Variants in PXDNL observed in about 807,000 individuals in gnomAD.
The protein encoded by PXDNL is probable oxidoreductase PXDNL.
Under a neutral mutation model 150.8 loss-of-function variants are expected in PXDNL, and 145 were observed. That is an observed-to-expected ratio of 0.96 (90% confidence interval 0.84 to 1.10). The LOEUF (loss-of-function observed/expected upper bound fraction) is 1.10. PXDNL is among the 50% of genes least tolerant of loss of function. PXDNL has a pLI of 0.00. For missense variants in PXDNL, 2,087 were observed against 1,873.9 expected, an observed-to-expected ratio of 1.11 and a Z score of -2.10; for synonymous variants, 757 against 725.7, an observed-to-expected ratio of 1.04 and a Z score of -0.69.
In PXDNL at chr8:51,427,740, C is replaced by T. The variant is rs575853097; in HGVS notation, c.1526-982G>A. Among the ~76,000 whole-genome samples, 3 of 152,256 alleles carry T rather than the reference C, an allele frequency of 2.0e-5. No homozygotes were observed. In the East Asian group the frequency reaches 5.8e-4, roughly 29 times the overall value. ...GAAAGAAAATAAAAGTAGAGGGGAA[C>T]TTCCACAACTTGGAAAAGAACATAT... On this transcript the variant is annotated intron_variant, in intron 12 of 22. Coordinates refer to ENST00000356297, the MANE Select transcript of PXDNL (RefSeq NM_144651.5).
At chr8:51,486,474 T>C (rs1188739569) in intron 5 of PXDNL, among the ~76,000 whole-genome samples, 1 of 151,856 alleles carries the variant, frequency 6.6e-6, no homozygotes, top group Non-Finnish European at 1.5e-5. Flanking sequence ...AAGGAAAAAT[T>C]ATGATAATAA....
intron 1 of PXDNL, among the ~76,000 whole-genome samples, chr8:51,708,626 A>G (rs1255204048): frequency 3.9e-5 from 6 of 152,204 alleles, no homozygotes; most frequent in Admixed American, 3.9e-4. Context: ...TAGATACGGA[A>G]GAAAAATAAT....
chr8:51,750,441 C>T (rs2037032419), intron 1 of PXDNL, among the ~76,000 whole-genome samples: 1 of 152,190 alleles, frequency 6.6e-6, no homozygotes, highest in African/African-American at 2.4e-5. Flanking sequence ...AACATCACCA[C>T]AGACACCTGC....
chr8:51,651,564 C>T (rs777568710), intron 2 of PXDNL, among the ~76,000 whole-genome samples: 30 of 152,174 alleles, frequency 2.0e-4, no homozygotes, highest in Non-Finnish European at 3.4e-4. Context: ...TTAGGCCTTC[C>T]TTCCAGAAGG....
chr8:51,630,816 T>C (rs1479735348), intron 2 of PXDNL, among the ~76,000 whole-genome samples: 2 of 151,734 alleles, frequency 1.3e-5, no homozygotes, highest in African/African-American at 4.8e-5. Flanking sequence ...AAGGGAATGC[T>C]TATACACTGC....
intron 16 of PXDNL, 98 bp from the exon 17 acceptor site, chr8:51,409,659 C>G: frequency 1.0e-6 from 1 of 985,942 alleles, no homozygotes; most frequent in Non-Finnish European, 1.4e-6. Context: ...CCCACCCCGC[C>G]CGCCCTGAGT....
intron 17 of PXDNL, among the ~76,000 whole-genome samples, chr8:51,407,862 A>G (rs1808478211): frequency 6.6e-6 from 1 of 152,170 alleles, no homozygotes; most frequent in African/African-American, 2.4e-5. Context: ...TTGCATTTCC[A>G]AGGAGGTGGA....
At chr8:51,472,114 G>A (rs1810352353) in intron 8 of PXDNL, 73 bp downstream of exon 8, 1 of 920,062 alleles carries the variant, frequency 1.1e-6, no homozygotes, top group Admixed American at 2.0e-5. Context: ...CTAGATAAAG[G>A]AGTTAAATTG....
intron 2 of PXDNL, among the ~76,000 whole-genome samples, chr8:51,623,505 T>G (rs1814300214): frequency 6.6e-6 from 1 of 152,242 alleles, no homozygotes; most frequent in Non-Finnish European, 1.5e-5. Context: ...TGAGCATGCA[T>G]GTGTATTTGG....
intron 2 of PXDNL, among the ~76,000 whole-genome samples, chr8:51,599,260 CT>C (rs1418659390): frequency 6.6e-6 from 1 of 151,856 alleles, no homozygotes; most frequent in Non-Finnish European, 1.5e-5. Flanking sequence ...TTATTTACTT[CT>C]TTTCTCCTGC....
chr8:51,334,454 AG>A (rs1236622279), intron 21 of PXDNL, among the ~76,000 whole-genome samples: 1 of 152,168 alleles, frequency 6.6e-6, no homozygotes, highest in Non-Finnish European at 1.5e-5. Context: ...AGCAGAAGAA[AG>A]GAAATTACCA....
chr8:51,452,660 G>T (rs1809831321), intron 10 of PXDNL, among the ~76,000 whole-genome samples: 1 of 152,094 alleles, frequency 6.6e-6, no homozygotes, highest in African/African-American at 2.4e-5. Flanking sequence ...TCTGTTCTGT[G>T]TTTCACACGG....
chr8:51,640,250 C>A (rs1175394401), intron 2 of PXDNL, among the ~76,000 whole-genome samples: 1 of 152,162 alleles, frequency 6.6e-6, no homozygotes, highest in Non-Finnish European at 1.5e-5. Context: ...CAATATCACA[C>A]TGAATGGGCA....
rs1807891833 is a variant in PXDNL, at chr8:51,391,100, AT to A, written c.3558-16370del. ...TCATCATTTGTTATGGCTGCATAGT[AT>A]TCCATGGTGTATATGTGCCACATTT... On this transcript the variant is annotated intron_variant, in intron 17 of 22. Transcript: ENST00000356297. Among the ~76,000 whole-genome samples, 3 of 152,350 alleles carry A rather than the reference AT, an allele frequency of 2.0e-5. No individual in the cohort carries two copies. In the South Asian group the frequency reaches 6.2e-4, roughly 32 times the overall value.
intron 1 of PXDNL, among the ~76,000 whole-genome samples, chr8:51,732,266 A>C (rs1407573840): frequency 1.3e-5 from 2 of 152,182 alleles, no homozygotes; most frequent in East Asian, 1.9e-4. Flanking sequence ...AAGTTCCACA[A>C]ATCTCTAGGA....
chr8:51,607,814 T>G (rs934996474), intron 2 of PXDNL, among the ~76,000 whole-genome samples: 2 of 123,000 alleles, frequency 1.6e-5, no homozygotes, highest in Non-Finnish European at 3.1e-5. Context: ...CACTCCAATT[T>G]GAGCAACAGA....
intron 19 of PXDNL, among the ~76,000 whole-genome samples, chr8:51,358,464 A>G (rs1470181518): frequency 6.6e-6 from 1 of 152,166 alleles, no homozygotes; most frequent in Non-Finnish European, 1.5e-5. Flanking sequence ...CCTGGCCCCC[A>G]TAATAGTGTG....
chr8:51,382,717 A>T (rs1807586832), intron 17 of PXDNL, among the ~76,000 whole-genome samples: 1 of 152,144 alleles, frequency 6.6e-6, no homozygotes, highest in African/African-American at 2.4e-5. Context: ...AGATATATTG[A>T]TCTCTGAATG....
At chr8:51,579,477 G>A (rs1469425897) in intron 3 of PXDNL, among the ~76,000 whole-genome samples, 1 of 151,998 alleles carries the variant, frequency 6.6e-6, no homozygotes, top group Admixed American at 6.6e-5. Flanking sequence ...AGAGAAACTG[G>A]ATCACATACT....
Sources: allele counts gnomAD v4.1 joint callset (sites outside exome capture counted in the v4.1 genomes callset), GRCh38; gene constraint gnomAD v4.1.1; transcripts MANE v1.5; gene names NCBI Gene and HGNC (gene_info 2026-07-23, HGNC 2026-07-21).